Variants in MFSD8 observed in about 807,000 individuals in gnomAD.
The protein encoded by MFSD8 is major facilitator superfamily domain-containing protein 8.
A neutral mutation model predicts 66.4 loss-of-function variants in MFSD8; 55 were observed. That is an observed-to-expected ratio of 0.83 (90% CI 0.67 to 1.04). The LOEUF (loss-of-function observed/expected upper bound fraction) is 1.04. MFSD8 is among the 50% of genes least tolerant of loss of function. MFSD8 has a pLI of 0.00. For synonymous variants in MFSD8, 202 were observed against 212.8 expected (o/e 0.95, Z 0.44); for missense variants, 550 against 627.6 (o/e 0.88, Z 1.32).
At chr4:127,965,331 C>A, upstream of MFSD8, 2 of 650,044 alleles carry the variant, frequency 3.1e-6, no homozygotes, top group African/African-American at 1.8e-5. Flanking sequence ...GAGGCTGTGT[C>A]CTCAGCCTCC....
chr4:127,961,231 G>A (rs888561779), intron 1 of MFSD8, among the ~76,000 whole-genome samples: 1 of 149,996 alleles, frequency 6.7e-6, no homozygotes, highest in African/African-American at 2.5e-5. Context: ...ACTTTACTAG[G>A]GAATATACTT....
chr4:127,943,517 G>C lies in MFSD8; in HGVS notation c.439+235C>G, dbSNP rs190989102. 6.3e-4 allele frequency: 306 copies of C among 486,292 alleles called. 2 individuals are homozygous for C. Among genetic ancestry groups the C allele is most frequent in the Non-Finnish European group, 1.1e-4 (31 of 271,620 alleles). The allele number at this position is 486,292 out of a possible 1,614,324, so 30.1% of individuals were successfully genotyped here. On this transcript the variant is annotated intron_variant, in intron 4 of 11. Coordinates refer to ENST00000641686, the MANE Select transcript of MFSD8 (RefSeq NM_001371596.2). ...TTATAGGCACGTGCCACCACACCTG[G>C]TTTAAACTGAATCTTGAAGGATGAA... is the stretch of plus-strand genomic sequence containing the variant.
intron 1 of MFSD8, among the ~76,000 whole-genome samples, chr4:127,959,957 C>G (rs1743475353): frequency 6.6e-6 from 1 of 152,090 alleles, no homozygotes; most frequent in Admixed American, 6.5e-5. Flanking sequence ...AGGCTTCTTT[C>G]TTGTATGACC....
intron 9 of MFSD8, among the ~76,000 whole-genome samples, chr4:127,922,177 A>G (rs1736435535): frequency 6.6e-6 from 1 of 152,210 alleles, no homozygotes; most frequent in East Asian, 1.9e-4. Context: ...AGATGAGCTC[A>G]GATCTTTCAC....
At chr4:127,940,831 T>G (rs561073916) in intron 5 of MFSD8, among the ~76,000 whole-genome samples, 68 of 152,146 alleles carry the variant, frequency 4.5e-4, no homozygotes, top group Admixed American at 4.0e-3. Flanking sequence ...AATTCACATA[T>G]AACTCTAGGG....
At position 127,920,671 on chromosome 4, in the gene MFSD8, G is replaced by C. The variant is rs570757797; in HGVS notation, c.1516C>G (p.Leu506Val). Residue 506 changes from leucine to valine, a missense_variant, in exon 12 of 12, where the codon CTC becomes GTC. Transcript: ENST00000641686. ...CCATATCTTACAGAAAGAGCAATGA[G>C]TCTTTTGTAAACCACTCCCAGGAGG... ...ITLLGVVYKR[L>V]IALSVRYGRI... 4.5e-5 allele frequency: 73 copies of C among 1,613,964 alleles called. No homozygotes were observed. In the East Asian group the frequency reaches 1.6e-3, roughly 35 times the overall value.
At chr4:127,962,339 C>T (rs916568682) in intron 1 of MFSD8, among the ~76,000 whole-genome samples, 1 of 152,016 alleles carries the variant, frequency 6.6e-6, no homozygotes, top group African/African-American at 2.4e-5. Context: ...TGGTGGCCCA[C>T]GTCTGTTAAT....
At chr4:127,965,202 C>G, upstream of MFSD8, 1 of 1,593,778 alleles carries the variant, frequency 6.3e-7, no homozygotes, top group Non-Finnish European at 8.6e-7. Context: ...TCCCGGGTGG[C>G]GTGAAGCTGG....
chr4:127,964,075 G>T (rs533121645), intron 1 of MFSD8, among the ~76,000 whole-genome samples: 1 of 152,350 alleles, frequency 6.6e-6, no homozygotes, highest in South Asian at 2.1e-4. Flanking sequence ...TACAAACCTT[G>T]AGCTAGATAC....
At chr4:127,927,625 A>G (rs1392014529) in intron 9 of MFSD8, among the ~76,000 whole-genome samples, 1 of 152,238 alleles carries the variant, frequency 6.6e-6, no homozygotes, top group Non-Finnish European at 1.5e-5. Context: ...AGACTATATG[A>G]CTGAACTTAA....
intron 1 of MFSD8, among the ~76,000 whole-genome samples, chr4:127,959,582 T>C (rs1217184295): frequency 6.6e-6 from 1 of 152,302 alleles, no homozygotes; most frequent in Non-Finnish European, 1.5e-5. Flanking sequence ...TGGGACAAAG[T>C]ATCACAATGT....
chr4:127,949,808 T>C lies in MFSD8; in HGVS notation c.194A>G (p.Gln65Arg), dbSNP rs1297279331. The C allele has an allele frequency of 6.2e-7, 1 of 1,612,070 alleles. No homozygotes were observed. The highest frequency in any genetic ancestry group is 8.5e-7 in the Non-Finnish European group (1 of 1,178,954). Residue 65 changes from glutamine (Q) to arginine (R), a missense_variant, in exon 3 of 12, where the codon CAA becomes CGA. Physicochemically the swap from Gln to Arg is conservative, Grantham distance 43 (BLOSUM62 1). Coordinates refer to ENST00000641686, the MANE Select transcript of MFSD8 (RefSeq NM_001371596.2). ...AATAGATTGAAATGTACAAACCTTTTGGAGATATGGCCATATGGACATCAT... is the reference window on the plus strand; with the variant it reads ...AATAGATTGAAATGTACAAACCTTTCGGAGATATGGCCATATGGACATCAT... Reference protein sequence around the residue: ...VVMMSIWPYLQKIDPTADTSF... With the variant: ...VVMMSIWPYLRKIDPTADTSF...
In MFSD8 at chr4:127,949,804, C is replaced by T. The variant is rs765347608; in HGVS notation, c.198G>A (p.Lys66=). The T allele has an allele frequency of 1.2e-6, 2 of 1,611,880 alleles. No homozygotes were observed. Among genetic ancestry groups the T allele is most frequent in the South Asian group, 2.2e-5 (2 of 90,656 alleles). The change falls in exon 3 of 12, where the codon AAG becomes AAA. Residue 66 remains lysine (K), a splice_region_variant and synonymous_variant. Coordinates refer to ENST00000641686, the MANE Select transcript of MFSD8 (RefSeq NM_001371596.2). ...VMMSIWPYLQ[K]IDPTADTSFL... Reference sequence around the variant, plus strand: ...GAAAAATAGATTGAAATGTACAAACCTTTTGGAGATATGGCCATATGGACA... The same window carrying T: ...GAAAAATAGATTGAAATGTACAAACTTTTTGGAGATATGGCCATATGGACA...
intron 5 of MFSD8, among the ~76,000 whole-genome samples, chr4:127,940,675 T>C (rs1405017683): frequency 6.6e-6 from 1 of 151,016 alleles, no homozygotes; most frequent in Admixed American, 6.6e-5. Flanking sequence ...ATTTTAAACA[T>C]TAGTTAGAAG....
chr4:127,955,061 G>A (rs1239863995), intron 2 of MFSD8, among the ~76,000 whole-genome samples: 2 of 152,018 alleles, frequency 1.3e-5, no homozygotes, highest in Non-Finnish European at 2.9e-5. Context: ...AAAACAGTAT[G>A]GCAATTTTCC....
intron 2 of MFSD8, among the ~76,000 whole-genome samples, chr4:127,956,192 T>C (rs1232856208): frequency 3.3e-5 from 5 of 151,322 alleles, no homozygotes; most frequent in Admixed American, 6.6e-5. Flanking sequence ...GAACAAATAA[T>C]TGACTGATGG....
intron 2 of MFSD8, among the ~76,000 whole-genome samples, chr4:127,950,755 T>G (rs1200980847): frequency 6.6e-6 from 1 of 151,866 alleles, no homozygotes; most frequent in Non-Finnish European, 1.5e-5. Flanking sequence ...TAAAGCCTGT[T>G]CTTCAAAATG....
At chr4:127,956,912 T>A (rs979795978) in intron 2 of MFSD8, among the ~76,000 whole-genome samples, 1 of 152,212 alleles carries the variant, frequency 6.6e-6, no homozygotes, top group Admixed American at 6.5e-5. Context: ...GTATGTACAT[T>A]CCTTAATGTT....
chr4:127,933,893 A>G (rs1301267039), intron 7 of MFSD8, among the ~76,000 whole-genome samples: 2 of 152,202 alleles, frequency 1.3e-5, no homozygotes, highest in African/African-American at 2.4e-5. Context: ...TCAGTGTTAC[A>G]TGAAATTAGT....
Sources: allele counts gnomAD v4.1 joint callset (sites outside exome capture counted in the v4.1 genomes callset), GRCh38; gene constraint gnomAD v4.1.1; transcripts MANE v1.5; gene names NCBI Gene and HGNC (gene_info 2026-07-23, HGNC 2026-07-21).